PGRMC2: variants seen among roughly 807,000 people sequenced by gnomAD.
The protein encoded by PGRMC2 is progesterone receptor membrane component 2.
Under a neutral mutation model 19.3 loss-of-function variants are expected in PGRMC2, and 9 were observed. The ratio of observed to expected loss-of-function variants is 0.47; its 90% CI spans 0.28 to 0.81. The LOEUF is 0.81. PGRMC2 is among the 40% of genes least tolerant of loss of function. The probability of loss-of-function intolerance (pLI) is 0.11; values close to 1 mark genes in which losing one functional copy is unlikely to be tolerated. For missense variants in PGRMC2, 289 were observed against 297.3 expected (o/e 0.97, Z 0.21); for synonymous variants, 157 against 124.6 (o/e 1.26, Z -1.73).
chr4:128,274,129 C>T (rs1025412408), intron 1 of PGRMC2, among the ~76,000 whole-genome samples: 3 of 152,172 alleles, frequency 2.0e-5, no homozygotes, highest in Non-Finnish European at 4.4e-5. Flanking sequence ...CCATTTTATA[C>T]TTTCAAATGT....
At chr4:128,279,089 T>A (rs1464501735) in intron 1 of PGRMC2, among the ~76,000 whole-genome samples, 2 of 151,912 alleles carry the variant, frequency 1.3e-5, no homozygotes, top group Non-Finnish European at 2.9e-5. Context: ...ATGCCTGCAA[T>A]CCCAGCTACT....
chr4:128,286,151 T>C (rs1452407382), intron 1 of PGRMC2, among the ~76,000 whole-genome samples: 1 of 147,188 alleles, frequency 6.8e-6, no homozygotes, highest in Non-Finnish European at 1.5e-5. Context: ...AAAACCAGCT[T>C]ACTTCCAGAC....
chr4:128,277,157 AAAACAAACAAACAAACAAAC>A (rs56210271), intron 1 of PGRMC2, among the ~76,000 whole-genome samples: 1 of 151,450 alleles, frequency 6.6e-6, no homozygotes, highest in Non-Finnish European at 1.5e-5. Flanking sequence ...ACTCCATCTC[AAAACAAACAAACAAACAAAC>A]AAACAAACAA....
At chr4:128,271,874 T>C (rs1459782584) in intron 2 of PGRMC2, among the ~76,000 whole-genome samples, 1 of 152,146 alleles carries the variant, frequency 6.6e-6, no homozygotes, top group East Asian at 1.9e-4. Context: ...ACATTTCGAG[T>C]GTTAAGATCT....
intron 1 of PGRMC2, among the ~76,000 whole-genome samples, chr4:128,275,410 CTGAA>C (rs1177171833): frequency 2.0e-5 from 3 of 152,116 alleles, no homozygotes; most frequent in Admixed American, 6.5e-5. Context: ...AGCTTCAACA[CTGAA>C]TGAATAATAA....
intron 1 of PGRMC2, among the ~76,000 whole-genome samples, chr4:128,283,946 C>A (rs1348319130): frequency 2.0e-5 from 3 of 151,842 alleles, no homozygotes. Context: ...AGGCATGAGC[C>A]ACCGTGCCTG....
intron 1 of PGRMC2, among the ~76,000 whole-genome samples, chr4:128,281,170 T>C (rs1229974807): frequency 6.6e-6 from 1 of 152,220 alleles, no homozygotes; most frequent in Non-Finnish European, 1.5e-5. Context: ...CTAATAGTGA[T>C]ACTGTGGAAA....
At chr4:128,284,732 T>C (rs994205559) in intron 1 of PGRMC2, among the ~76,000 whole-genome samples, 1 of 152,240 alleles carries the variant, frequency 6.6e-6, no homozygotes, top group Admixed American at 6.5e-5. Flanking sequence ...TTACTGCTTC[T>C]GAATTATTCT....
Position 128,273,749 on chromosome 4 carries a change from G to A in PGRMC2, c.419-1232C>T, listed in dbSNP as rs1232241587. 2.0e-5 allele frequency among the ~76,000 whole-genome samples: 3 copies of A among 152,162 alleles called. 1 individual carries two copies. The highest frequency in any genetic ancestry group is 2.1e-4 in the South Asian group (1 of 4,832). On this transcript the variant is annotated intron_variant, in intron 1 of 2. Transcript: ENST00000296425. ...TCTGTACCTTCTGAGAGTAGAAATCGAGGTTTCACTTAAATAGATATCTAA... is the reference window on the plus strand; with the variant it reads ...TCTGTACCTTCTGAGAGTAGAAATCAAGGTTTCACTTAAATAGATATCTAA...
At chr4:128,279,285 C>T (rs929412206) in intron 1 of PGRMC2, among the ~76,000 whole-genome samples, 2 of 151,598 alleles carry the variant, frequency 1.3e-5, no homozygotes, top group African/African-American at 4.8e-5. Context: ...ATAAATGACT[C>T]AACTTTTTAA....
intron 1 of PGRMC2, among the ~76,000 whole-genome samples, chr4:128,277,505 G>A (rs1428699890): frequency 1.3e-5 from 2 of 152,138 alleles, no homozygotes; most frequent in Admixed American, 1.3e-4. Flanking sequence ...TGTTTCTAAA[G>A]GGATATTTTA....
intron 1 of PGRMC2, among the ~76,000 whole-genome samples, chr4:128,284,002 G>C (rs1405246506): frequency 1.3e-5 from 2 of 150,938 alleles, no homozygotes; most frequent in Non-Finnish European, 2.9e-5. Flanking sequence ...GTAGAGATGG[G>C]GTTTCACCAT....
intron 1 of PGRMC2, among the ~76,000 whole-genome samples, chr4:128,285,516 G>A (rs1440692939): frequency 6.6e-6 from 1 of 152,210 alleles, no homozygotes; most frequent in Non-Finnish European, 1.5e-5. Context: ...GCTATTTTCA[G>A]ATACTGCCAA....
At chr4:128,286,845 G>T in intron 1 of PGRMC2, 21 of 321,734 alleles carry the variant, frequency 6.5e-5, no homozygotes, top group South Asian at 1.6e-4. Flanking sequence ...GCCTTACGGA[G>T]TAATACAGCG....
At chr4:128,279,448 T>C (rs1196257016) in intron 1 of PGRMC2, among the ~76,000 whole-genome samples, 1 of 152,176 alleles carries the variant, frequency 6.6e-6, no homozygotes, top group Non-Finnish European at 1.5e-5. Context: ...CAAGTGTAAA[T>C]TGGTCCAACC....
At chr4:128,282,186 T>C (rs1407711790) in intron 1 of PGRMC2, among the ~76,000 whole-genome samples, 1 of 152,178 alleles carries the variant, frequency 6.6e-6, no homozygotes, top group Admixed American at 6.5e-5. Context: ...TCTTAAGCTT[T>C]TACTGTAATG....
At chr4:128,278,090 GAA>G (rs1760839023) in intron 1 of PGRMC2, among the ~76,000 whole-genome samples, 1 of 152,104 alleles carries the variant, frequency 6.6e-6, no homozygotes, top group Non-Finnish European at 1.5e-5. Context: ...CTGGGGTAAA[GAA>G]AAGACAGAAA....
chr4:128,274,537 A>AAAAAAAG (rs137964198), intron 1 of PGRMC2, among the ~76,000 whole-genome samples: 6 of 128,224 alleles, frequency 4.7e-5, no homozygotes, highest in Admixed American at 8.8e-5. Context: ...AAAAAAAAAA[A>AAAAAAAG]GGTATTAACC....
In PGRMC2 at chr4:128,270,340, T is replaced by A. The variant is rs1760707307; in HGVS notation, c.*976A>T. The stretch of plus-strand genomic sequence containing the variant: ...GTTGGGGATAAGAGTTGATTTGTTT[T>A]TCAATTTTTTTGAAAACAGAAAAGC... On this transcript the variant is annotated 3_prime_UTR_variant, in exon 3 of 3. Coordinates refer to ENST00000296425, the MANE Select transcript of PGRMC2 (RefSeq NM_006320.6). 6.6e-6 allele frequency: 1 copy of A among 152,634 alleles called. No homozygotes were observed. Among genetic ancestry groups the A allele is most frequent in the African/African-American group, 2.4e-5 (1 of 41,458 alleles). The allele number at this position is 152,634 out of a possible 1,614,324, so 9.5% of individuals were successfully genotyped here. A position where few individuals can be genotyped will look rare whatever the true frequency, so the allele number is the denominator to read the frequency against.
Sources: allele counts gnomAD v4.1 joint callset (sites outside exome capture counted in the v4.1 genomes callset), GRCh38; gene constraint gnomAD v4.1.1; transcripts MANE v1.5; gene names NCBI Gene and HGNC (gene_info 2026-07-23, HGNC 2026-07-21).